POC1B: variants seen among roughly 807,000 people sequenced by gnomAD.
POC1B encodes POC1 centriolar protein homolog B.
In POC1B, 44 loss-of-function variants were observed where a neutral mutation model predicts 60.6. The ratio of observed to expected loss-of-function variants is 0.73; its 90% CI spans 0.57 to 0.93. POC1B has a LOEUF of 0.93. Among genes scored for constraint, POC1B ranks in the 40% least tolerant of loss-of-function variants. The probability of loss-of-function intolerance (pLI) is 0.00; values close to 1 mark genes in which losing one functional copy is unlikely to be tolerated. For missense variants in POC1B, 555 were observed against 572.3 expected, an observed-to-expected ratio of 0.97 and a Z score of 0.31; for synonymous variants, 180 against 198.9, an observed-to-expected ratio of 0.90 and a Z score of 0.80.
At chr12:89,482,334 CTG>C (rs1868394159) in intron 4 of POC1B, among the ~76,000 whole-genome samples, 1 of 152,046 alleles carries the variant, frequency 6.6e-6, no homozygotes, top group Admixed American at 6.6e-5. Context: ...CCTCAAAAAA[CTG>C]TGGGACAATA....
In POC1B at chr12:89,466,515, A is replaced by C. The variant is rs75655611; in HGVS notation, c.1032+255T>G. On this transcript the variant is annotated intron_variant, in intron 9 of 11. Coordinates refer to ENST00000313546, the MANE Select transcript of POC1B (RefSeq NM_172240.3). Reference sequence around the variant, plus strand: ...AATATAAAGCTAGTTTAGACTTCACAGTCACCAGAGGCCTTAGATTTAATT... The same window carrying C: ...AATATAAAGCTAGTTTAGACTTCACCGTCACCAGAGGCCTTAGATTTAATT... Among the ~76,000 whole-genome samples the C allele has an allele frequency of 0.012, 1,813 of 152,284 alleles. 36 individuals carry two copies. The highest frequency in any genetic ancestry group is 0.042 in the African/African-American group (1,727 of 41,556).
At chr12:89,521,178 A>C (rs923896007) in intron 2 of POC1B, 2 of 146,072 alleles carry the variant, frequency 1.4e-5, no homozygotes, top group Non-Finnish European at 3.0e-5. Context: ...ATCTCGGCTC[A>C]CTGTAAGCTC....
downstream of POC1B, among the ~76,000 whole-genome samples, chr12:89,416,126 G>A (rs1880360018): frequency 6.6e-6 from 1 of 152,190 alleles, no homozygotes; most frequent in African/African-American, 2.4e-5. Flanking sequence ...CAACGCACTA[G>A]GTGGAGAATC....
chr12:89,504,514 C>G (rs570831378), intron 2 of POC1B, among the ~76,000 whole-genome samples: 2 of 152,042 alleles, frequency 1.3e-5, no homozygotes, highest in African/African-American at 4.8e-5. Context: ...GACCTTTGTT[C>G]ACTTGTTTAT....
At chr12:89,432,357 A>AGCC (rs1881068646) in intron 10 of POC1B, among the ~76,000 whole-genome samples, 1 of 122,572 alleles carries the variant, frequency 8.2e-6, no homozygotes, top group South Asian at 2.8e-4. Context: ...CTGTACTTCC[A>AGCC]GCCTGGGCAA....
intron 10 of POC1B, among the ~76,000 whole-genome samples, chr12:89,441,573 C>T (rs570863427): frequency 6.6e-6 from 1 of 152,142 alleles, no homozygotes; most frequent in Non-Finnish European, 1.5e-5. Flanking sequence ...AGAAGGAAAC[C>T]TAACAAACAG....
chr12:89,519,112 G>C (rs181783207), intron 2 of POC1B, among the ~76,000 whole-genome samples: 35 of 152,224 alleles, frequency 2.3e-4, no homozygotes, highest in Non-Finnish European at 4.4e-4. Flanking sequence ...TAGTGAAATT[G>C]GTGCTAATAT....
intron 2 of POC1B, chr12:89,524,608 C>G: frequency 6.4e-7 from 1 of 1,561,540 alleles, no homozygotes; most frequent in South Asian, 1.1e-5. Flanking sequence ...AGGGGAAGGG[C>G]GGCGGAACCC....
intron 2 of POC1B, among the ~76,000 whole-genome samples, chr12:89,508,852 TG>T (rs1870034636): frequency 6.6e-6 from 1 of 152,236 alleles, no homozygotes. Context: ...AGGATGTGTT[TG>T]TTTCCCCTTA....
chr12:89,501,709 G>A, intron 2 of POC1B: 1 of 954,734 alleles, frequency 1.0e-6, no homozygotes, highest in Non-Finnish European at 1.7e-6. Context: ...GGTAAAATCA[G>A]AGGAGAGTCC....
intron 10 of POC1B, among the ~76,000 whole-genome samples, chr12:89,441,697 A>T (rs1881529192): frequency 6.6e-6 from 1 of 152,218 alleles, no homozygotes; most frequent in Non-Finnish European, 1.5e-5. Flanking sequence ...AATTCTAAAA[A>T]TCAGAGTGCC....
intron 10 of POC1B, among the ~76,000 whole-genome samples, chr12:89,432,670 T>G (rs894651442): frequency 2.0e-5 from 3 of 152,200 alleles, no homozygotes; most frequent in African/African-American, 7.2e-5. Context: ...TGTGTTATGA[T>G]GTAGCTATGC....
At chr12:89,506,823 G>T (rs1369335950) in intron 2 of POC1B, among the ~76,000 whole-genome samples, 1 of 152,092 alleles carries the variant, frequency 6.6e-6, no homozygotes, top group East Asian at 1.9e-4. Context: ...TCGAGTAGGG[G>T]CTCAGAAAGC....
intron 4 of POC1B, among the ~76,000 whole-genome samples, chr12:89,485,597 C>T (rs139561968): frequency 1.3e-5 from 2 of 152,244 alleles, no homozygotes; most frequent in East Asian, 1.9e-4. Flanking sequence ...AAGATAAAGA[C>T]AGTCCATGAA....
chr12:89,523,674 C>A, intron 2 of POC1B: 1 of 1,538,394 alleles, frequency 6.5e-7, no homozygotes, highest in Non-Finnish European at 8.7e-7. Context: ...TGTCCCTTTC[C>A]TGTTTGGGGA....
intron 2 of POC1B, chr12:89,501,435 A>G: frequency 1.1e-6 from 1 of 946,732 alleles, no homozygotes; most frequent in Non-Finnish European, 1.7e-6. Flanking sequence ...ATGAAAACAT[A>G]CATATGTCAC....
chr12:89,481,602 C>T (rs943854040), intron 4 of POC1B, among the ~76,000 whole-genome samples: 6 of 152,070 alleles, frequency 3.9e-5, no homozygotes, highest in African/African-American at 9.7e-5. Context: ...AGAAGATTTA[C>T]GAAAAGCAGA....
At chr12:89,471,149 A>G (rs74754458) in intron 6 of POC1B, among the ~76,000 whole-genome samples, 3,414 of 152,312 alleles carry the variant, frequency 0.022, 105 homozygotes, top group African/African-American at 0.073. Context: ...ACACTGGAAA[A>G]GCTACTATGT....
At chr12:89,523,319 C>G in intron 2 of POC1B, 1 of 1,614,072 alleles carries the variant, frequency 6.2e-7, no homozygotes, top group Non-Finnish European at 8.5e-7. Context: ...AATTTTCTTT[C>G]AGAAATATCA....
Sources: allele counts gnomAD v4.1 joint callset (sites outside exome capture counted in the v4.1 genomes callset), GRCh38; gene constraint gnomAD v4.1.1; transcripts MANE v1.5; gene names NCBI Gene and HGNC (gene_info 2026-07-23, HGNC 2026-07-21).